KIF16B: variants seen among roughly 807,000 people sequenced by gnomAD.
KIF16B encodes kinesin family member 16B, also known as kinesin-like protein KIF16B.
KIF16B carries 98 observed loss-of-function variants against 156.3 expected under a neutral mutation model. The ratio of observed to expected loss-of-function variants is 0.63; its 90% CI spans 0.53 to 0.74. The LOEUF (loss-of-function observed/expected upper bound fraction) is 0.74. Among genes scored for constraint, KIF16B ranks in the 30% least tolerant of loss-of-function variants. The pLI is 0.00. For synonymous variants in KIF16B, 564 were observed against 583.7 expected (o/e 0.97, Z 0.49); for missense variants, 1,421 against 1,606.5 (o/e 0.88, Z 1.97).
intron 22 of KIF16B, among the ~76,000 whole-genome samples, chr20:16,364,023 TA>T (rs2064605562): frequency 6.6e-6 from 1 of 152,202 alleles, no homozygotes; most frequent in Non-Finnish European, 1.5e-5. Flanking sequence ...GGAGCATTAA[TA>T]AAAGTGGCTC....
chr20:16,570,412 T>C (rs1336726327), intron 1 of KIF16B, among the ~76,000 whole-genome samples: 2 of 152,210 alleles, frequency 1.3e-5, no homozygotes, highest in East Asian at 1.9e-4. Context: ...AAGTTTCAGA[T>C]GTTTTGATCC....
intron 12 of KIF16B, among the ~76,000 whole-genome samples, chr20:16,437,600 A>G (rs1359147896): frequency 7.1e-6 from 1 of 141,524 alleles, no homozygotes; most frequent in African/African-American, 2.6e-5. Flanking sequence ...AAGTAAAGAC[A>G]TTCTCCTCAA....
chr20:16,439,177 A>G (rs2066726827), intron 12 of KIF16B, among the ~76,000 whole-genome samples: 1 of 152,056 alleles, frequency 6.6e-6, no homozygotes, highest in African/African-American at 2.4e-5. Flanking sequence ...TACCCGCATG[A>G]TATGGTCAGA....
intron 25 of KIF16B, among the ~76,000 whole-genome samples, chr20:16,286,205 G>A (rs1207530280): frequency 3.3e-5 from 5 of 152,162 alleles, no homozygotes; most frequent in Non-Finnish European, 1.5e-5. Flanking sequence ...ATTACAAATA[G>A]CACTGTAATA....
chr20:16,556,739 G>A (rs1174913668), intron 1 of KIF16B, among the ~76,000 whole-genome samples: 1 of 152,132 alleles, frequency 6.6e-6, no homozygotes, highest in Non-Finnish European at 1.5e-5. Context: ...CTCTGCACTG[G>A]CTGTTACTTC....
intron 9 of KIF16B, among the ~76,000 whole-genome samples, chr20:16,504,761 A>G (rs989923909): frequency 6.6e-6 from 1 of 152,224 alleles, no homozygotes; most frequent in Non-Finnish European, 1.5e-5. Flanking sequence ...TCTCAAATCT[A>G]GAATCAACCA....
chr20:16,493,363 G>A (rs2068355793), intron 12 of KIF16B, among the ~76,000 whole-genome samples: 1 of 152,218 alleles, frequency 6.6e-6, no homozygotes. Context: ...GAACTCACCT[G>A]CAAATCCAAG....
At chr20:16,569,087 G>A (rs1387651031) in intron 1 of KIF16B, among the ~76,000 whole-genome samples, 3 of 152,074 alleles carry the variant, frequency 2.0e-5, no homozygotes, top group African/African-American at 4.8e-5. Context: ...TGCCACGTGA[G>A]TACACAGCAA....
Position 16,573,361 on chromosome 20 carries a change from C to A in KIF16B, c.-86G>T. 7.0e-7 allele frequency: 1 copy of A among 1,438,078 alleles called. No individual in the cohort carries two copies. The highest frequency in any genetic ancestry group is 9.6e-7 in the Non-Finnish European group (1 of 1,042,746). 89.1% of individuals were successfully genotyped at this position (1,438,078 alleles called of 1,614,324 possible). A position where few individuals can be genotyped will look rare whatever the true frequency, so the allele number is the denominator to read the frequency against. On this transcript the variant is annotated 5_prime_UTR_variant, in exon 1 of 26. It introduces an in-frame stop codon into an upstream open reading frame of the 5' UTR. Transcript: ENST00000354981. ...GACGCTGGCTACTCAGATCGCGGCT[C>A]CCGCCCACTTCCCTCTCGCCCCCGC...
At position 16,283,725 on chromosome 20, in the gene KIF16B, T is replaced by A. The variant is rs370181474; in HGVS notation, c.3796-10314A>T. On this transcript the variant is annotated intron_variant, in intron 25 of 25. Coordinates refer to ENST00000354981, the MANE Select transcript of KIF16B (RefSeq NM_024704.5). ...ATTCATTAGCTCATGGTTCTGTGGGTCAGAAGTCCTGCCACAGTGCAGGTA... is the reference window on the plus strand; with the variant it reads ...ATTCATTAGCTCATGGTTCTGTGGGACAGAAGTCCTGCCACAGTGCAGGTA... Among the ~76,000 whole-genome samples, 7 of 152,288 alleles carry A rather than the reference T, an allele frequency of 4.6e-5. 1 individual carries two copies. The East Asian group carries it at 1.2e-3, about 25-fold the overall frequency.
chr20:16,451,418 G>A (rs2067077510), intron 12 of KIF16B, among the ~76,000 whole-genome samples: 1 of 151,962 alleles, frequency 6.6e-6, no homozygotes, highest in South Asian at 2.1e-4. Context: ...TTTCACTAAT[G>A]GTGATTCCTG....
chr20:16,566,296 C>T (rs2071251046), intron 1 of KIF16B, among the ~76,000 whole-genome samples: 1 of 152,208 alleles, frequency 6.6e-6, no homozygotes, highest in African/African-American at 2.4e-5. Flanking sequence ...ACATCTTGAA[C>T]CTCAGTCTTG....
chr20:16,470,993 A>T (rs1442547121), intron 12 of KIF16B, among the ~76,000 whole-genome samples: 2 of 152,100 alleles, frequency 1.3e-5, no homozygotes, highest in East Asian at 3.9e-4. Context: ...AAAACATAGG[A>T]GACAGGAAAA....
At chr20:16,488,166 T>C (rs753967642) in intron 12 of KIF16B, among the ~76,000 whole-genome samples, 2 of 152,160 alleles carry the variant, frequency 1.3e-5, no homozygotes, top group African/African-American at 4.8e-5. Flanking sequence ...AGGGACCTTA[T>C]TGATTAAAAA....
intron 12 of KIF16B, among the ~76,000 whole-genome samples, chr20:16,439,544 C>T (rs893589232): frequency 6.6e-6 from 1 of 152,104 alleles, no homozygotes. Flanking sequence ...GAAAATTCTC[C>T]CCTAAATCTC....
chr20:16,287,048 C>G (rs1242820757), intron 25 of KIF16B, among the ~76,000 whole-genome samples: 1 of 152,184 alleles, frequency 6.6e-6, no homozygotes, highest in Non-Finnish European at 1.5e-5. Flanking sequence ...TTTCCAGAAC[C>G]AAATAATGAT....
chr20:16,451,624 A>G (rs2067083649), intron 12 of KIF16B, among the ~76,000 whole-genome samples: 1 of 152,144 alleles, frequency 6.6e-6, no homozygotes, highest in Non-Finnish European at 1.5e-5. Flanking sequence ...TACCTTGTAG[A>G]CTTGGAAAAC....
intron 7 of KIF16B, 62 bp downstream of exon 7, chr20:16,507,896 G>A (rs2068834097): frequency 5.7e-6 from 9 of 1,565,314 alleles, no homozygotes; most frequent in Non-Finnish European, 4.4e-6. Context: ...GTCCTCAGCT[G>A]GTGCTAATCA....
At chr20:16,496,610 A>G (rs1301350225) in intron 11 of KIF16B, among the ~76,000 whole-genome samples, 1 of 152,218 alleles carries the variant, frequency 6.6e-6, no homozygotes, top group Non-Finnish European at 1.5e-5. Context: ...CAGCATGTAT[A>G]ATACATCCAA....
Sources: allele counts gnomAD v4.1 joint callset (sites outside exome capture counted in the v4.1 genomes callset), GRCh38; gene constraint gnomAD v4.1.1; transcripts MANE v1.5; gene names NCBI Gene and HGNC (gene_info 2026-07-23, HGNC 2026-07-21).